TRAPPC3L: variants seen among roughly 807,000 people sequenced by gnomAD.
The protein encoded by TRAPPC3L is trafficking protein particle complex subunit 3L.
TRAPPC3L carries 23 observed loss-of-function variants against 23.7 expected under a neutral mutation model. That is an observed-to-expected ratio of 0.97 (90% CI 0.70 to 1.37). The LOEUF is 1.37. Ranked by LOEUF, TRAPPC3L falls within the 40% of genes most tolerant of loss-of-function variation. The pLI, the probability that TRAPPC3L is intolerant of heterozygous loss-of-function variation, is 0.00. For synonymous variants in TRAPPC3L, 81 were observed against 77.9 expected (o/e 1.04, Z -0.21); for missense variants, 212 against 216.8 (o/e 0.98, Z 0.14).
chr6:116,517,034 G>A (rs957039108), intron 3 of TRAPPC3L: 1 of 152,214 alleles, frequency 6.6e-6, no homozygotes, highest in Non-Finnish European at 1.5e-5. Flanking sequence ...AATTTTCCAG[G>A]TTGCAAACTG....
chr6:116,517,185 T>A (rs1772245211), intron 3 of TRAPPC3L: 1 of 152,090 alleles, frequency 6.6e-6, no homozygotes. Context: ...CTTAGTACTA[T>A]CAGCTTGGGG....
chr6:116,511,559 C>A, intron 3 of TRAPPC3L: 1 of 744,674 alleles, frequency 1.3e-6, no homozygotes, highest in South Asian at 1.8e-5. Flanking sequence ...TAAGGAATGA[C>A]ATTGTTTCCT....
chr6:116,503,370 T>A (rs1345274569), intron 3 of TRAPPC3L, among the ~76,000 whole-genome samples: 1 of 152,206 alleles, frequency 6.6e-6, no homozygotes, highest in Non-Finnish European at 1.5e-5. Flanking sequence ...TCCAGATTCA[T>A]AAAGCAAGTT....
At chr6:116,521,864 G>C (rs1562342859) in intron 3 of TRAPPC3L, 1 of 152,140 alleles carries the variant, frequency 6.6e-6, no homozygotes, top group South Asian at 2.1e-4. Flanking sequence ...TGGCAGACAT[G>C]AGGTAGATTG....
At chr6:116,505,460 T>G (rs1771986733) in intron 3 of TRAPPC3L, among the ~76,000 whole-genome samples, 3 of 152,212 alleles carry the variant, frequency 2.0e-5, no homozygotes, top group Middle Eastern at 3.4e-3. Context: ...AATTTATAGA[T>G]TCAACGCCAT....
At chr6:116,521,913 T>G (rs1772349951) in intron 3 of TRAPPC3L, 1 of 152,132 alleles carries the variant, frequency 6.6e-6, no homozygotes, top group South Asian at 2.1e-4. Flanking sequence ...TCTCTTACAA[T>G]GTTGCAATGC....
At chr6:116,523,433 C>A (rs1224698024) in intron 3 of TRAPPC3L, 1 of 152,190 alleles carries the variant, frequency 6.6e-6, no homozygotes, top group Non-Finnish European at 1.5e-5. Context: ...ACGTGAAAAG[C>A]TATTGTCTTA....
intron 3 of TRAPPC3L, among the ~76,000 whole-genome samples, chr6:116,502,522 G>T (rs1562336167): frequency 6.6e-6 from 1 of 152,136 alleles, no homozygotes; most frequent in Non-Finnish European, 1.5e-5. Flanking sequence ...GAAATACAGA[G>T]AACACCACAA....
At chr6:116,513,963 T>C (rs917847204) in intron 3 of TRAPPC3L, among the ~76,000 whole-genome samples, 1 of 152,194 alleles carries the variant, frequency 6.6e-6, no homozygotes, top group Non-Finnish European at 1.5e-5. Flanking sequence ...TTAGTGGTAA[T>C]ATCACTTACT....
chr6:116,535,687 A>G (rs182211682), intron 3 of TRAPPC3L, among the ~76,000 whole-genome samples: 14 of 152,380 alleles, frequency 9.2e-5, no homozygotes, highest in Admixed American at 1.3e-4. Context: ...TTTCATTATT[A>G]CAACTAAAAT....
At chr6:116,518,713 C>G (rs564286075) in intron 3 of TRAPPC3L, 35 of 152,314 alleles carry the variant, frequency 2.3e-4, no homozygotes, top group African/African-American at 7.5e-4. Context: ...CTGTAAGGAG[C>G]TGAGGATTGA....
intron 3 of TRAPPC3L, among the ~76,000 whole-genome samples, chr6:116,525,604 C>A (rs1772428908): frequency 6.6e-6 from 1 of 152,186 alleles, no homozygotes; most frequent in African/African-American, 2.4e-5. Flanking sequence ...ACAGCCACAA[C>A]AATGCCAGAG....
At chr6:116,524,121 T>C (rs977729524) in intron 3 of TRAPPC3L, 10 of 152,124 alleles carry the variant, frequency 6.6e-5, no homozygotes, top group African/African-American at 2.4e-4. Context: ...TATTTAAATA[T>C]TTATGTGTGA....
chr6:116,541,469 C>T (rs951687569), intron 2 of TRAPPC3L, among the ~76,000 whole-genome samples: 7 of 152,138 alleles, frequency 4.6e-5, no homozygotes, highest in South Asian at 4.1e-4. Context: ...ATGATTACTC[C>T]AGAGGCTCTA....
At chr6:116,500,424 T>C in intron 4 of TRAPPC3L, 57 bp downstream of exon 4, 14 of 1,429,906 alleles carry the variant, frequency 9.8e-6, no homozygotes, top group Non-Finnish European at 1.3e-5. Context: ...GTTATCTTAT[T>C]TTAGCCTTAG....
chr6:116,532,659 T>C (rs534593321), intron 3 of TRAPPC3L, among the ~76,000 whole-genome samples: 1 of 152,348 alleles, frequency 6.6e-6, no homozygotes, highest in African/African-American at 2.4e-5. Flanking sequence ...TTGTGAAACA[T>C]TTTTGCTTTC....
chr6:116,525,823 G>A (rs569366375), intron 3 of TRAPPC3L, among the ~76,000 whole-genome samples: 1 of 152,270 alleles, frequency 6.6e-6, no homozygotes, highest in African/African-American at 2.4e-5. Flanking sequence ...CTATAAAATG[G>A]TGACTAGTTG....
At chr6:116,521,373 G>C (rs137907902) in intron 3 of TRAPPC3L, 5 of 152,090 alleles carry the variant, frequency 3.3e-5, no homozygotes, top group Non-Finnish European at 7.4e-5. Context: ...GAGAACCAGG[G>C]GAGTTGATGG....
intron 1 of TRAPPC3L, 102 bp downstream of exon 1, chr6:116,545,371 C>T: frequency 2.2e-6 from 2 of 925,806 alleles, no homozygotes; most frequent in South Asian, 1.7e-5. Context: ...GTCTTTCCTC[C>T]ACTAAAAATT....
Sources: gnomAD v4.1 joint callset for allele counts (sites outside exome capture counted in the v4.1 genomes callset) on GRCh38, gnomAD v4.1.1 for gene constraint, MANE v1.5 for transcripts, NCBI Gene and HGNC (gene_info 2026-07-23, HGNC 2026-07-21) for gene names.